Variants in MYO5B observed in about 807,000 individuals in gnomAD.
The protein encoded by MYO5B is unconventional myosin-Vb.
MYO5B carries 143 observed loss-of-function variants against 229.3 expected under a neutral mutation model. The observed-to-expected ratio is 0.62, with a 90% confidence interval of 0.54 to 0.72. The LOEUF (loss-of-function observed/expected upper bound fraction) is 0.72. Ranked by LOEUF, MYO5B falls within the 30% of genes least tolerant of loss-of-function variation. The probability of loss-of-function intolerance (pLI) is 0.00; values close to 1 mark genes in which losing one functional copy is unlikely to be tolerated. For missense variants in MYO5B, 2,321 were observed against 2,331.0 expected (o/e 1.00, Z 0.09); for synonymous variants, 918 against 885.2 (o/e 1.04, Z -0.66).
chr18:49,856,703 C>T (rs528046545), intron 30 of MYO5B, 110 bp downstream of exon 30: 7 of 896,708 alleles, frequency 7.8e-6, no homozygotes, highest in Admixed American at 5.5e-5. Context: ...AGACTGCATG[C>T]CAACTGTTCC....
intron 2 of MYO5B, among the ~76,000 whole-genome samples, chr18:50,054,148 A>G (rs1392317475): frequency 6.6e-6 from 1 of 152,048 alleles, no homozygotes; most frequent in Non-Finnish European, 1.5e-5. Flanking sequence ...GGGCTTTGGC[A>G]CACACAGTTC....
At chr18:50,002,608 G>A (rs750235217) in intron 4 of MYO5B, among the ~76,000 whole-genome samples, 8 of 152,148 alleles carry the variant, frequency 5.3e-5, no homozygotes, top group Non-Finnish European at 8.8e-5. Flanking sequence ...CGTTTGGATC[G>A]CAGTTTCGGG....
chr18:49,826,420 C>T lies in MYO5B; in HGVS notation c.*51G>A, dbSNP rs1368845167. On this transcript the variant is annotated 3_prime_UTR_variant, in exon 40 of 40. Coordinates refer to ENST00000285039, the MANE Select transcript of MYO5B (RefSeq NM_001080467.3). ...CCTTGAATTTACTTTACTGTATATA[C>T]TTCCTTCTTGCTCACATTGGGAATC... is the stretch of plus-strand genomic sequence containing the variant. The T allele has an allele frequency of 1.2e-6, 2 of 1,602,362 alleles. No individual in the cohort carries two copies. The highest frequency in any genetic ancestry group is 1.7e-6 in the Non-Finnish European group (2 of 1,170,734).
chr18:49,964,126 A>G (rs770440259), intron 10 of MYO5B, among the ~76,000 whole-genome samples: 13 of 152,226 alleles, frequency 8.5e-5, no homozygotes, highest in Non-Finnish European at 1.5e-4. Context: ...ATGCTAACCT[A>G]AAGAAATTAC....
chr18:49,847,363 CG>C (rs1568607931), intron 32 of MYO5B, 74 bp from the exon 33 acceptor site: 2 of 1,554,164 alleles, frequency 1.3e-6, no homozygotes, highest in Non-Finnish European at 1.7e-6. Flanking sequence ...GCATCTCTGG[CG>C]GGTGGAGGAT....
intron 35 of MYO5B, chr18:49,840,299 A>G (rs543958139): frequency 6.6e-6 from 1 of 152,366 alleles, no homozygotes; most frequent in South Asian, 2.1e-4. Context: ...ATTTTGTAAC[A>G]GAAGTCATGG....
intron 1 of MYO5B, among the ~76,000 whole-genome samples, chr18:50,146,332 G>A (rs1342625335): frequency 6.6e-6 from 1 of 152,226 alleles, no homozygotes; most frequent in Admixed American, 6.5e-5. Context: ...CTGGAAGGAA[G>A]AACTTTGGAA....
intron 4 of MYO5B, among the ~76,000 whole-genome samples, chr18:50,017,812 C>A (rs889298332): frequency 6.6e-6 from 1 of 152,214 alleles, no homozygotes; most frequent in Non-Finnish European, 1.5e-5. Flanking sequence ...CCTAAATAAG[C>A]TGTGATACCA....
At chr18:50,002,719 G>C (rs567020592) in intron 4 of MYO5B, among the ~76,000 whole-genome samples, 1 of 152,304 alleles carries the variant, frequency 6.6e-6, no homozygotes, top group East Asian at 1.9e-4. Context: ...GTCTGTAACT[G>C]TGCCTGGCAC....
At position 49,944,848 on chromosome 18, in the gene MYO5B, C is replaced by T. The variant is rs545637642; in HGVS notation, c.1753-7451G>A. 1.2e-4 allele frequency among the ~76,000 whole-genome samples: 19 copies of T among 152,232 alleles called. No individual in the cohort carries two copies. The South Asian group carries it at 2.9e-3, about 23-fold the overall frequency. On this transcript the variant is annotated intron_variant, in intron 14 of 39. Transcript: ENST00000285039. ...GAGCAAGGCATCCACAGACAGACAC[C>T]GCCTTCCACGCCGCTCCTCCTCAGA...
At chr18:49,896,099 G>A (rs915413052) in intron 21 of MYO5B, among the ~76,000 whole-genome samples, 4 of 152,176 alleles carry the variant, frequency 2.6e-5, no homozygotes, top group African/African-American at 7.2e-5. Flanking sequence ...AGGAATCAAT[G>A]ACTAATTCAC....
rs187347037 is a variant in MYO5B at position 50,091,835 on chromosome 18, C to T, written c.28-36457G>A. Among the ~76,000 whole-genome samples, 6 of 152,226 alleles carry T rather than the reference C, an allele frequency of 3.9e-5. No individual in the cohort carries two copies. The East Asian group carries it at 5.8e-4, about 15-fold the overall frequency. On this transcript the variant is annotated intron_variant, in intron 1 of 39. Coordinates refer to ENST00000285039, the MANE Select transcript of MYO5B (RefSeq NM_001080467.3). ...TGAAAATTTCCCAAAGTTTTCAATGCTAATATACTAAAAGGGAAAGAGGAG... is the reference window on the plus strand; with the variant it reads ...TGAAAATTTCCCAAAGTTTTCAATGTTAATATACTAAAAGGGAAAGAGGAG...
chr18:49,859,212 G>A (rs747392198), intron 29 of MYO5B, among the ~76,000 whole-genome samples: 3 of 152,186 alleles, frequency 2.0e-5, no homozygotes, highest in Non-Finnish European at 2.9e-5. Flanking sequence ...CTTTCTTTAC[G>A]GGTAAAGTGA....
At chr18:50,103,469 G>C (rs762253632) in intron 1 of MYO5B, among the ~76,000 whole-genome samples, 8 of 152,174 alleles carry the variant, frequency 5.3e-5, no homozygotes, top group Non-Finnish European at 8.8e-5. Flanking sequence ...TCTGGTCAAG[G>C]CTGGGTATGT....
At chr18:50,001,453 G>T in intron 4 of MYO5B, 42 bp from the exon 5 acceptor site, 1 of 1,610,686 alleles carries the variant, frequency 6.2e-7, no homozygotes, top group Admixed American at 1.7e-5. Context: ...GCCATGGAAA[G>T]GCTCTGCTAC....
intron 1 of MYO5B, among the ~76,000 whole-genome samples, chr18:50,112,894 A>G (rs74491762): frequency 0.014 from 2,079 of 152,354 alleles, 46 homozygotes; most frequent in African/African-American, 0.047. Flanking sequence ...ATTTATTTCA[A>G]TAAGACATTT....
chr18:49,824,690 G>C lies in MYO5B; in HGVS notation c.*1781C>G, dbSNP rs774858777. 6.6e-6 allele frequency: 1 copy of C among 152,056 alleles called. No individual in the cohort carries two copies. Among genetic ancestry groups the C allele is most frequent in the Non-Finnish European group, 1.5e-5 (1 of 68,044 alleles). The allele number at this position is 152,056 out of a possible 1,614,324, so 9.4% of individuals were successfully genotyped here. On this transcript the variant is annotated 3_prime_UTR_variant, in exon 40 of 40. Coordinates refer to ENST00000285039, the MANE Select transcript of MYO5B (RefSeq NM_001080467.3). Reference sequence around the variant, plus strand: ...CTTTAAAGAGGTAGCCACAAACCCAGTTGTTTTAGATTGGCCTTCTAAATG... The same window carrying C: ...CTTTAAAGAGGTAGCCACAAACCCACTTGTTTTAGATTGGCCTTCTAAATG...
intron 27 of MYO5B, among the ~76,000 whole-genome samples, chr18:49,865,568 G>T (rs1480682525): frequency 6.6e-6 from 1 of 152,174 alleles, no homozygotes; most frequent in Admixed American, 6.5e-5. Context: ...AGGAGCACTG[G>T]GTGTGGAGGC....
intron 7 of MYO5B, among the ~76,000 whole-genome samples, chr18:49,986,547 G>A (rs1283005579): frequency 6.6e-6 from 1 of 152,230 alleles, no homozygotes; most frequent in East Asian, 1.9e-4. Flanking sequence ...AGAGAGGAAG[G>A]ACTCCAGCCC....
Sources: gnomAD v4.1 joint callset for allele counts (sites outside exome capture counted in the v4.1 genomes callset) on GRCh38, gnomAD v4.1.1 for gene constraint, MANE v1.5 for transcripts, NCBI Gene and HGNC (gene_info 2026-07-23, HGNC 2026-07-21) for gene names.